Variants in PPP1CB observed in about 807,000 individuals in gnomAD.
PPP1CB encodes serine/threonine-protein phosphatase PP1-beta catalytic subunit.
A neutral mutation model predicts 43.7 loss-of-function variants in PPP1CB; 2 were observed. The ratio of observed to expected loss-of-function variants is 0.05; its 90% CI spans 0.02 to 0.14. The LOEUF (loss-of-function observed/expected upper bound fraction) is 0.14. Ranked by LOEUF, PPP1CB falls within the 10% of genes least tolerant of loss-of-function variation. The pLI is 1.00. For missense variants in PPP1CB, 84 were observed against 398.0 expected (o/e 0.21, Z 6.71); for synonymous variants, 136 against 135.6 (o/e 1.00, Z -0.02).
intron 1 of PPP1CB, among the ~76,000 whole-genome samples, chr2:28,761,324 T>C (rs1666641847): frequency 6.6e-6 from 1 of 152,230 alleles, no homozygotes; most frequent in Non-Finnish European, 1.5e-5. Context: ...GAATCCTGAA[T>C]GATAATCAGA....
At chr2:28,779,153 A>G (rs1667096577) in intron 3 of PPP1CB, 114 bp downstream of exon 3, 1 of 755,156 alleles carries the variant, frequency 1.3e-6, no homozygotes, top group East Asian at 2.7e-5. Flanking sequence ...TCTGTCAGGC[A>G]TAGGCCAGGA....
rs60287247 is a variant in PPP1CB at position 28,783,650 on chromosome 2, G to A, written c.521-257G>A. Among the ~76,000 whole-genome samples, 8,095 of 151,812 alleles carry A rather than the reference G, an allele frequency of 0.053. 291 individuals carry two copies. The highest frequency in any genetic ancestry group is 0.073 in the Non-Finnish European group (4,951 of 67,922). On this transcript the variant is annotated intron_variant, in intron 4 of 7. Transcript: ENST00000395366. ...CGCGCGTCTGTAGTCCCAGCTACTC[G>A]GGAGACTGAGGCAGGAGAATCGCTC...
At chr2:28,764,547 T>C (rs1295013098) in intron 1 of PPP1CB, among the ~76,000 whole-genome samples, 1 of 152,130 alleles carries the variant, frequency 6.6e-6, no homozygotes, top group African/African-American at 2.4e-5. Context: ...AGCAGGCTTT[T>C]GTGCTAAATA....
chr2:28,752,260 G>A (rs1011192358), intron 1 of PPP1CB, 84 bp downstream of exon 1: 47 of 1,280,084 alleles, frequency 3.7e-5, no homozygotes, highest in Non-Finnish European at 4.6e-5. Context: ...CGGAACGCGA[G>A]GGGACCCCTT....
In PPP1CB at chr2:28,800,068, C is replaced by A; in HGVS notation, c.*765C>A. 6.6e-6 allele frequency: 1 copy of A among 152,548 alleles called. No homozygotes were observed. 9.4% of individuals were successfully genotyped at this position (152,548 alleles called of 1,614,324 possible). A position where few individuals can be genotyped will look rare whatever the true frequency, so the allele number is the denominator to read the frequency against. ...GATGCTCTATTGTGCAGTAGCATTTCATTTAAGATAAGGCTCATATAGTAT... is the reference window on the plus strand; with the variant it reads ...GATGCTCTATTGTGCAGTAGCATTTAATTTAAGATAAGGCTCATATAGTAT... On this transcript the variant is annotated 3_prime_UTR_variant, in exon 8 of 8. Transcript: ENST00000395366.
chr2:28,764,719 A>T (rs2148459851), intron 1 of PPP1CB, among the ~76,000 whole-genome samples: 1 of 152,058 alleles, frequency 6.6e-6, no homozygotes, highest in African/African-American at 2.4e-5. Flanking sequence ...TGAGGTCAGG[A>T]GTTCGAGCCT....
intron 7 of PPP1CB, 62 bp downstream of exon 7, chr2:28,794,059 G>GT: frequency 7.1e-7 from 1 of 1,410,390 alleles, no homozygotes; most frequent in Non-Finnish European, 9.7e-7. Context: ...ATCAGAATTC[G>GT]TTTTAGATTT....
At chr2:28,752,382 C>G (rs539579453) in intron 1 of PPP1CB, among the ~76,000 whole-genome samples, 40 of 152,080 alleles carry the variant, frequency 2.6e-4, no homozygotes, top group South Asian at 1.2e-3. Flanking sequence ...CAGGGGAGAT[C>G]GGGGGAGAGG....
In PPP1CB at chr2:28,800,226, C is replaced by CTTTTTTTTTTTTTTTTTTTTTTTTGT. The variant is rs55736905; in HGVS notation, c.*946_*947insTGTTTTTTTTTTTTTTTTTTTTTTTT. The CTTTTTTTTTTTTTTTTTTTTTTTTGT allele has an allele frequency of 1.5e-5, 1 of 65,628 alleles. No individual in the cohort carries two copies. Among genetic ancestry groups the CTTTTTTTTTTTTTTTTTTTTTTTTGT allele is most frequent in the Non-Finnish European group, 2.7e-5 (1 of 36,888 alleles). The allele number at this position is 65,628 out of a possible 1,614,324, so 4.1% of individuals were successfully genotyped here. On this transcript the variant is annotated 3_prime_UTR_variant, in exon 8 of 8. Transcript: ENST00000395366. ...TTGGTTTTCTTTTTCTTTTTTCTTT[C>CTTTTTTTTTTTTTTTTTTTTTTTTGT]TTTTTTTTTTTTTTTTTTTTTTTGA... is the stretch of plus-strand genomic sequence containing the variant.
At chr2:28,775,754 G>A (rs1166092590) in intron 1 of PPP1CB, among the ~76,000 whole-genome samples, 1 of 152,132 alleles carries the variant, frequency 6.6e-6, no homozygotes, top group Non-Finnish European at 1.5e-5. Flanking sequence ...AAGGGAGTCA[G>A]GGGAGATGGT....
chr2:28,751,647 G>A (rs1317076263), upstream of PPP1CB: 1 of 179,008 alleles, frequency 5.6e-6, no homozygotes, highest in Non-Finnish European at 1.2e-5. Context: ...ACGCACCTGC[G>A]CGAAGACGGC....
intron 1 of PPP1CB, among the ~76,000 whole-genome samples, chr2:28,754,258 T>G (rs888421185): frequency 1.4e-5 from 2 of 145,968 alleles, no homozygotes; most frequent in African/African-American, 5.1e-5. Context: ...GAAAAGACAC[T>G]GGGGGAAAAA....
intron 7 of PPP1CB, among the ~76,000 whole-genome samples, chr2:28,798,522 G>A (rs1667542433): frequency 1.3e-5 from 2 of 152,030 alleles, no homozygotes; most frequent in South Asian, 4.1e-4. Context: ...GCAATAAAAA[G>A]GAATGAAGGA....
chr2:28,765,174 G>C (rs2148040149), intron 1 of PPP1CB, among the ~76,000 whole-genome samples: 1 of 152,260 alleles, frequency 6.6e-6, no homozygotes, highest in African/African-American at 2.4e-5. Flanking sequence ...GAAATATAAT[G>C]GTTGAGTAAA....
chr2:28,762,729 T>G (rs1666684634), intron 1 of PPP1CB, among the ~76,000 whole-genome samples: 1 of 152,262 alleles, frequency 6.6e-6, no homozygotes. Flanking sequence ...CACATGACTT[T>G]ATAATACGCG....
chr2:28,797,514 A>G (rs192970409), intron 7 of PPP1CB, among the ~76,000 whole-genome samples: 117 of 152,056 alleles, frequency 7.7e-4, no homozygotes, highest in African/African-American at 2.8e-3. Context: ...GTGTGTTTCT[A>G]TGAATTTATT....
At chr2:28,752,277 C>G (rs1300782963) in intron 1 of PPP1CB, 101 bp downstream of exon 1, 2 of 1,130,230 alleles carry the variant, frequency 1.8e-6, no homozygotes, top group South Asian at 1.5e-5. Context: ...CCTTTCCCGC[C>G]CCGAGACGAG....
At chr2:28,790,418 C>A (rs1430665464) in intron 6 of PPP1CB, among the ~76,000 whole-genome samples, 1 of 152,132 alleles carries the variant, frequency 6.6e-6, no homozygotes, top group Non-Finnish European at 1.5e-5. Context: ...CGGCTCACTG[C>A]AACTTCCGCC....
intron 1 of PPP1CB, among the ~76,000 whole-genome samples, chr2:28,772,950 A>C (rs1666946077): frequency 1.3e-5 from 2 of 152,202 alleles, no homozygotes; most frequent in South Asian, 4.1e-4. Context: ...TAATGAGCAA[A>C]AGAGCATTCT....
Sources: gnomAD v4.1 joint callset for allele counts (sites outside exome capture counted in the v4.1 genomes callset) on GRCh38, gnomAD v4.1.1 for gene constraint, MANE v1.5 for transcripts, NCBI Gene and HGNC (gene_info 2026-07-23, HGNC 2026-07-21) for gene names.